Variants in SLAIN1 observed in about 807,000 individuals in gnomAD.
The protein encoded by SLAIN1 is SLAIN motif-containing protein 1.
Under a neutral mutation model 55.4 loss-of-function variants are expected in SLAIN1, and 17 were observed. The ratio of observed to expected loss-of-function variants is 0.31; its 90% CI spans 0.21 to 0.46. The LOEUF (loss-of-function observed/expected upper bound fraction) is 0.46, where lower values mean the gene tolerates loss of function less well. Ranked by LOEUF, SLAIN1 falls within the 20% of genes least tolerant of loss-of-function variation. The pLI is 1.00. For missense variants in SLAIN1, 682 were observed against 785.1 expected (o/e 0.87, Z 1.57); for synonymous variants, 348 against 337.4 (o/e 1.03, Z -0.35).
intron 1 of SLAIN1, among the ~76,000 whole-genome samples, chr13:77,718,332 C>G (rs1322462525): frequency 6.6e-6 from 1 of 152,116 alleles, no homozygotes; most frequent in African/African-American, 2.4e-5. Context: ...TAAAGGAACA[C>G]AGCCACGTTT....
chr13:77,751,711 C>T (rs1874224367), intron 4 of SLAIN1, among the ~76,000 whole-genome samples: 1 of 152,164 alleles, frequency 6.6e-6, no homozygotes, highest in Admixed American at 6.6e-5. Flanking sequence ...CTCATCTGGG[C>T]TGTGCTCAGG....
intron 2 of SLAIN1, among the ~76,000 whole-genome samples, chr13:77,737,176 G>A (rs980059346): frequency 2.6e-5 from 4 of 151,750 alleles, no homozygotes; most frequent in Admixed American, 1.3e-4. Context: ...CATTAGCTTC[G>A]GTCTCTTTTT....
intron 1 of SLAIN1, among the ~76,000 whole-genome samples, chr13:77,701,298 G>C (rs12874992): frequency 0.02 from 3,011 of 152,224 alleles, 37 homozygotes; most frequent in Non-Finnish European, 0.032. Context: ...GGATATTTTA[G>C]CTATTCTTTT....
intron 2 of SLAIN1, among the ~76,000 whole-genome samples, chr13:77,723,049 A>G: frequency 6.6e-6 from 1 of 152,140 alleles, no homozygotes; most frequent in East Asian, 1.9e-4. Flanking sequence ...TGCCCAGCCC[A>G]TCTAACATTT....
At chr13:77,721,819 AT>A (rs1212490040) in intron 2 of SLAIN1, among the ~76,000 whole-genome samples, 3 of 150,694 alleles carry the variant, frequency 2.0e-5, no homozygotes, top group Non-Finnish European at 4.4e-5. Flanking sequence ...TATTAAAAAA[AT>A]ATGAAAACAT....
At chr13:77,751,447 A>T (rs1874205559) in intron 4 of SLAIN1, among the ~76,000 whole-genome samples, 1 of 152,214 alleles carries the variant, frequency 6.6e-6, no homozygotes, top group South Asian at 2.1e-4. Flanking sequence ...TCTTGACTAT[A>T]AACTCAATGA....
At position 77,733,990 on chromosome 13, in the gene SLAIN1, A is replaced by C. The variant is rs187862873; in HGVS notation, c.767-10293A>C. On this transcript the variant is annotated intron_variant, in intron 2 of 6. Transcript: ENST00000418532. ...AAAGCTTGTATCTCAGTCTGTGCAG[A>C]CAGAGTTTATGAGAGTGAACCAGTA... Among the ~76,000 whole-genome samples the C allele has an allele frequency of 1.5e-4, 23 of 152,296 alleles. No homozygotes were observed. In the East Asian group the frequency reaches 2.1e-3, roughly 14 times the overall value.
rs4097966 is a variant in SLAIN1, at chr13:77,760,188, C to A, written c.1415-640C>A. ...GGATTAAAAAATTTAAAAACTTCTG[C>A]CTACCAGTTTGTTACTTTTAATGTG... On this transcript the variant is annotated intron_variant, in intron 5 of 6. Transcript: ENST00000418532. 9.2e-3 allele frequency among the ~76,000 whole-genome samples: 1,395 copies of A among 152,190 alleles called. 28 individuals are homozygous for A. The highest frequency in any genetic ancestry group is 0.031 in the African/African-American group (1,308 of 41,540).
intron 6 of SLAIN1, among the ~76,000 whole-genome samples, chr13:77,761,701 TTGG>T (rs1875034543): frequency 6.6e-6 from 1 of 152,210 alleles, no homozygotes; most frequent in African/African-American, 2.4e-5. Context: ...TCAGCTTATG[TTGG>T]TAAGTTCAGT....
Position 77,743,273 on chromosome 13 carries a change from G to T in SLAIN1, c.767-1010G>T, listed in dbSNP as rs1273751010. On this transcript the variant is annotated intron_variant, in intron 2 of 6. Transcript: ENST00000418532. The stretch of plus-strand genomic sequence containing the variant: ...AAGCTTGAGAATAATCTTAAGAGTG[G>T]AGAGTTTGTGCTGCACACTTACTTT... 6 of 940,078 alleles carry T rather than the reference G, an allele frequency of 6.4e-6. No individual in the cohort carries two copies. In the East Asian group the frequency reaches 3.8e-4, roughly 59 times the overall value. 58.2% of individuals were successfully genotyped at this position (940,078 alleles called of 1,614,324 possible). A position where few individuals can be genotyped will look rare whatever the true frequency, so the allele number is the denominator to read the frequency against.
chr13:77,754,442 T>C (rs1409294100), intron 5 of SLAIN1, among the ~76,000 whole-genome samples: 1 of 152,186 alleles, frequency 6.6e-6, no homozygotes, highest in African/African-American at 2.4e-5. Flanking sequence ...ACAGTTCTGA[T>C]AGGTTAAGGA....
At chr13:77,728,182 T>C (rs897506788) in intron 2 of SLAIN1, among the ~76,000 whole-genome samples, 3 of 152,162 alleles carry the variant, frequency 2.0e-5, no homozygotes, top group Non-Finnish European at 4.4e-5. Context: ...TCTACCCCTT[T>C]AGAATAAAAA....
chr13:77,751,186 T>G (rs1432201890), intron 4 of SLAIN1, among the ~76,000 whole-genome samples: 3 of 152,146 alleles, frequency 2.0e-5, no homozygotes, highest in African/African-American at 4.8e-5. Flanking sequence ...TTTAGTGTTT[T>G]GCGGTATATA....
At chr13:77,741,551 T>C in intron 2 of SLAIN1, 2 of 426,518 alleles carry the variant, frequency 4.7e-6, no homozygotes, top group Non-Finnish European at 6.3e-6. Flanking sequence ...GCGAATGTGG[T>C]TTCCTTGCCT....
chr13:77,698,764 A>G lies in SLAIN1; in HGVS notation c.626+225A>G, dbSNP rs2091000173. 4 of 1,164,442 alleles carry G rather than the reference A, an allele frequency of 3.4e-6. No individual in the cohort carries two copies. Among genetic ancestry groups the G allele is most frequent in the East Asian group, 2.6e-5 (1 of 38,016 alleles). The allele number at this position is 1,164,442 out of a possible 1,614,324, so 72.1% of individuals were successfully genotyped here. On this transcript the variant is annotated intron_variant, in intron 1 of 6. Coordinates refer to ENST00000418532, the MANE Select transcript of SLAIN1 (RefSeq NM_001242868.2). The surrounding 1 kb of genome is among the most constrained non-coding windows in gnomAD (Gnocchi z 4.1). ...TGTTTTCTAATCGCTCCGACTGCGG[A>G]TGAACCGGCCCCCCCTTCCCCCCAT...
At chr13:77,710,005 C>A (rs1186946107) in intron 1 of SLAIN1, among the ~76,000 whole-genome samples, 3 of 152,066 alleles carry the variant, frequency 2.0e-5, no homozygotes, top group African/African-American at 7.2e-5. Context: ...CTCCTGACCT[C>A]AGATGATCTG....
intron 2 of SLAIN1, among the ~76,000 whole-genome samples, chr13:77,723,067 G>T (rs1437829352): frequency 2.0e-5 from 3 of 152,084 alleles, no homozygotes; most frequent in African/African-American, 7.2e-5. Flanking sequence ...TTTTTTTTCA[G>T]AATTAATTGG....
At chr13:77,710,728 C>G (rs2091140409) in intron 1 of SLAIN1, among the ~76,000 whole-genome samples, 1 of 152,134 alleles carries the variant, frequency 6.6e-6, no homozygotes, top group African/African-American at 2.4e-5. Context: ...CAGCTGTGGA[C>G]CAAGTGGGCC....
intron 2 of SLAIN1, among the ~76,000 whole-genome samples, chr13:77,724,985 G>A (rs1238210430): frequency 6.6e-6 from 1 of 152,068 alleles, no homozygotes; most frequent in Non-Finnish European, 1.5e-5. Context: ...CCAAGGGAAT[G>A]GACTTTGTTT....
Sources: gnomAD v4.1 joint callset for allele counts (sites outside exome capture counted in the v4.1 genomes callset) on GRCh38, gnomAD v4.1.1 for gene constraint, Gnocchi (gnomAD v3.1) non-coding constraint, MANE v1.5 for transcripts, NCBI Gene and HGNC (gene_info 2026-07-23, HGNC 2026-07-21) for gene names.